Variants in TMPRSS9 observed in about 807,000 individuals in gnomAD.
The protein encoded by TMPRSS9 is transmembrane serine protease 9.
A neutral mutation model predicts 111.4 loss-of-function variants in TMPRSS9; 113 were observed. The ratio of observed to expected loss-of-function variants is 1.01; its 90% CI spans 0.87 to 1.19. The LOEUF (loss-of-function observed/expected upper bound fraction) is 1.19. Among genes scored for constraint, TMPRSS9 ranks in the 50% most tolerant of loss-of-function variants. The probability of loss-of-function intolerance (pLI) is 0.00; values close to 1 mark genes in which losing one functional copy is unlikely to be tolerated. For synonymous variants in TMPRSS9, 805 were observed against 659.1 expected, an observed-to-expected ratio of 1.22 and a Z score of -3.39; for missense variants, 1,803 against 1,513.1, an observed-to-expected ratio of 1.19 and a Z score of -3.18.
exon 12 of TMPRSS9, chr19:2,416,570 G>A (rs748559568): frequency 6.2e-7 from 1 of 1,611,168 alleles, no homozygotes; most frequent in African/African-American, 1.3e-5. Flanking sequence ...GCCCACCTGG[G>A]CACTGCGTCC....
intron 7 of TMPRSS9, among the ~76,000 whole-genome samples, chr19:2,407,604 TTTTC>T (rs912280647): frequency 1.3e-4 from 3 of 22,628 alleles, no homozygotes; most frequent in South Asian, 1.9e-3. Flanking sequence ...TTTTCTTTTC[TTTTC>T]TTTTTTTTTT....
At position 2,363,171 on chromosome 19, in the gene TMPRSS9, G is replaced by A. The variant is rs1335912228; in HGVS notation, c.-26+2811G>A. Among the ~76,000 whole-genome samples, 6 of 152,340 alleles carry A rather than the reference G, an allele frequency of 3.9e-5. No individual in the cohort carries two copies. In the South Asian group the frequency reaches 6.2e-4, roughly 16 times the overall value. Reference sequence around the variant, plus strand: ...AGTTGGGGACCATGTGGCCCACTGCGCGCTGGGTCCCGTCCCTAAAGAGCA... The same window carrying A: ...AGTTGGGGACCATGTGGCCCACTGCACGCTGGGTCCCGTCCCTAAAGAGCA... On this transcript the variant is annotated intron_variant, in intron 1 of 17. Transcript: ENST00000649857.
upstream of TMPRSS9, among the ~76,000 whole-genome samples, chr19:2,387,322 C>T (rs2145274729): frequency 6.6e-6 from 1 of 152,212 alleles, no homozygotes. Context: ...TGGCAAAACC[C>T]CCTCTCTACT....
At chr19:2,418,036 G>C (rs760151990) in exon 13 of TMPRSS9, 1 of 1,612,258 alleles carries the variant, frequency 6.2e-7, no homozygotes, top group Non-Finnish European at 8.5e-7. Flanking sequence ...AGGCGTCCGT[G>C]GGCATCATAG....
intron 14 of TMPRSS9, among the ~76,000 whole-genome samples, chr19:2,423,457 T>TGGTGGGG (rs1336965061): frequency 0.013 from 479 of 35,844 alleles, 1 homozygote; most frequent in African/African-American, 0.046. Context: ...GGATGGCGGT[T>TGGTGGGG]GGTGGGGGGT....
Position 2,416,814 on chromosome 19 carries a change from G to T in TMPRSS9, c.2017+5G>T. ...GAAATACGCAGGAAGGAAATGGTGA[G>T]CGCTGCCCCATCGAGGGGAACGGTG... On this transcript the variant is annotated splice_donor_5th_base_variant and intron_variant, in intron 12 of 17. Transcript: ENST00000648592. The T allele has an allele frequency of 6.2e-7, 1 of 1,601,266 alleles. No homozygotes were observed. The highest frequency in any genetic ancestry group is 8.5e-7 in the Non-Finnish European group (1 of 1,174,476).
chr19:2,362,202 T>G (rs1970206034), intron 1 of TMPRSS9, among the ~76,000 whole-genome samples: 1 of 151,792 alleles, frequency 6.6e-6, no homozygotes, highest in Admixed American at 6.6e-5. Context: ...TTGTGTATGG[T>G]TGTGTAATTG....
intron 9 of TMPRSS9, among the ~76,000 whole-genome samples, chr19:2,412,886 G>A (rs575220094): frequency 6.6e-6 from 1 of 152,150 alleles, no homozygotes; most frequent in Non-Finnish European, 1.5e-5. Flanking sequence ...CTAATGAGAG[G>A]GCTCATGTTT....
exon 16 of TMPRSS9, chr19:2,425,059 G>C (rs1235839091): frequency 6.4e-7 from 1 of 1,568,672 alleles, no homozygotes; most frequent in Non-Finnish European, 8.6e-7. Context: ...TGAGCGGCGC[G>C]GAGGGGCAGC....
At chr19:2,397,092 T>G (rs914550618) in intron 2 of TMPRSS9, among the ~76,000 whole-genome samples, 4 of 151,304 alleles carry the variant, frequency 2.6e-5, no homozygotes, top group African/African-American at 9.7e-5. Flanking sequence ...AGCTGATTTT[T>G]GTATTTTTAG....
intron 14 of TMPRSS9, among the ~76,000 whole-genome samples, chr19:2,422,484 G>C (rs954843986): frequency 2.0e-5 from 3 of 152,240 alleles, no homozygotes; most frequent in Non-Finnish European, 4.4e-5. Context: ...GGGAGGCTAA[G>C]GCAGGAGAAT....
chr19:2,424,226 T>C, exon 15 of TMPRSS9: 1 of 1,422,246 alleles, frequency 7.0e-7, no homozygotes, highest in Non-Finnish European at 9.3e-7. Context: ...GGCAGAGAGG[T>C]GGCTGCTGTC....
chr19:2,368,954 CTT>C (rs35992012), intron 1 of TMPRSS9, among the ~76,000 whole-genome samples: 16 of 136,064 alleles, frequency 1.2e-4, no homozygotes, highest in East Asian at 2.1e-4. Context: ...CCGGCTAATT[CTT>C]TTTTTTTTTT....
chr19:2,408,868 A>G (rs62120716), intron 8 of TMPRSS9, among the ~76,000 whole-genome samples: 13,866 of 151,220 alleles, frequency 0.092, 916 homozygotes, highest in East Asian at 0.26. Context: ...GCGTGCCTAT[A>G]ATTCCAGCTA....
chr19:2,385,014 G>T (rs116302596), upstream of TMPRSS9, among the ~76,000 whole-genome samples: 1 of 150,770 alleles, frequency 6.6e-6, no homozygotes. Context: ...AAGCCCAGGC[G>T]CGGTGGCCTA....
At chr19:2,391,217 G>A (rs1438877118) in intron 1 of TMPRSS9, among the ~76,000 whole-genome samples, 3 of 88,904 alleles carry the variant, frequency 3.4e-5, no homozygotes, top group African/African-American at 1.4e-4. Flanking sequence ...TCCAGCCTGG[G>A]CAACAGAGCA....
At chr19:2,420,355 T>C (rs1353869799) in intron 13 of TMPRSS9, among the ~76,000 whole-genome samples, 2 of 150,826 alleles carry the variant, frequency 1.3e-5, no homozygotes, top group African/African-American at 2.4e-5. Context: ...GGCAGGAGAA[T>C]TGCTTGAGCC....
At chr19:2,381,938 G>A (rs1347645551) in intron 1 of TMPRSS9, among the ~76,000 whole-genome samples, 2 of 152,188 alleles carry the variant, frequency 1.3e-5, no homozygotes, top group Non-Finnish European at 2.9e-5. Context: ...CACCTCCTGG[G>A]TTCAAGAGAT....
intron 10 of TMPRSS9, 162 bp downstream of exon 11, chr19:2,414,180 G>T: frequency 1.4e-6 from 1 of 695,618 alleles, no homozygotes; most frequent in Non-Finnish European, 2.3e-6. Context: ...TACCCTCATG[G>T]TATCTTTCTG....
Sources: allele counts gnomAD v4.1 joint callset (sites outside exome capture counted in the v4.1 genomes callset), GRCh38; gene constraint gnomAD v4.1.1; transcripts MANE v1.5; gene names NCBI Gene and HGNC (gene_info 2026-07-23, HGNC 2026-07-21).